SECISBP2: variants seen among roughly 807,000 people sequenced by gnomAD.
SECISBP2 encodes the protein SECIS binding protein 2.
Under a neutral mutation model 98.2 loss-of-function variants are expected in SECISBP2, and 96 were observed. The observed-to-expected ratio is 0.98, with a 90% confidence interval of 0.83 to 1.16. The LOEUF (loss-of-function observed/expected upper bound fraction) is 1.16, where lower values mean the gene tolerates loss of function less well. SECISBP2 is among the 50% of genes most tolerant of loss of function. The probability of loss-of-function intolerance (pLI) is 0.00; values close to 1 mark genes in which losing one functional copy is unlikely to be tolerated. For missense variants in SECISBP2, 1,046 were observed against 1,022.9 expected (o/e 1.02, Z -0.31); for synonymous variants, 407 against 370.2 (o/e 1.10, Z -1.14).
chr9:89,342,227 A>G (rs1400632152), intron 10 of SECISBP2, among the ~76,000 whole-genome samples: 1 of 152,236 alleles, frequency 6.6e-6, no homozygotes, highest in Non-Finnish European at 1.5e-5. Flanking sequence ...AATCAAAAGT[A>G]CAGTGAAATA....
chr9:89,345,159 A>C (rs538850879), intron 10 of SECISBP2, among the ~76,000 whole-genome samples: 1 of 152,308 alleles, frequency 6.6e-6, no homozygotes, highest in Admixed American at 6.5e-5. Flanking sequence ...GCTCATCCCT[A>C]TAGCGAGTCT....
the SECISBP2 span, among the ~76,000 whole-genome samples, chr9:89,366,637 C>T: frequency 6.6e-6 from 1 of 152,314 alleles, no homozygotes; most frequent in Non-Finnish European, 1.5e-5. Context: ...CATAGATGTA[C>T]AAACATATGT....
At chr9:89,347,968 C>A (rs1340474129) in intron 11 of SECISBP2, 111 bp from the exon 12 acceptor site, 5 of 1,020,082 alleles carry the variant, frequency 4.9e-6, no homozygotes, top group Non-Finnish European at 4.4e-6. Context: ...GCTCTCAGGG[C>A]ACTAAGAGGC....
downstream of SECISBP2, chr9:89,363,362 A>C: frequency 6.3e-7 from 1 of 1,593,712 alleles, no homozygotes; most frequent in Non-Finnish European, 8.5e-7. Flanking sequence ...TGAAAGATCC[A>C]CTGGATGTGG....
Position 89,341,351 on chromosome 9 carries a change from A to G in SECISBP2, c.1307A>G (p.Asn436Ser). The G allele has an allele frequency of 6.2e-7, 1 of 1,613,614 alleles. No individual in the cohort carries two copies. Among genetic ancestry groups the G allele is most frequent in the Non-Finnish European group, 8.5e-7 (1 of 1,179,638 alleles). ...TTACGAATTTTGAACTTTCAGGATA[A>G]TTTTAAAAATAATGTAAAGAAGAGC... ...KFQSKQQPQD[N>S]FKNNVKKSQL... Residue 436 changes from asparagine (N) to serine (S), a missense_variant, in exon 10 of 17, where the codon AAT becomes AGT. Transcript: ENST00000375807.
In SECISBP2 at chr9:89,334,603, C is replaced by A. The variant is rs1398853625; in HGVS notation, c.962C>A (p.Ser321Tyr). Residue 321 changes from serine to tyrosine, a missense_variant, in exon 7 of 17, where the codon TCT becomes TAT. Transcript: ENST00000375807. ...TCAGCAGCCCCTAAAAATGTTACTTCTATGATAAACTTAAAGACCATTGCT... is the reference window on the plus strand; with the variant it reads ...TCAGCAGCCCCTAAAAATGTTACTTATATGATAAACTTAAAGACCATTGCT... ...ELSAAPKNVT[S>Y]MINLKTIASS... The A allele has an allele frequency of 6.8e-6, 11 of 1,613,992 alleles. No homozygotes were observed. The highest frequency in any genetic ancestry group is 8.5e-6 in the Non-Finnish European group (10 of 1,179,968).
At chr9:89,324,754 A>G (rs1826399476) in intron 2 of SECISBP2, 1 of 152,588 alleles carries the variant, frequency 6.6e-6, no homozygotes, top group South Asian at 2.1e-4. Context: ...GCATTTTGTC[A>G]TTGTATCAGC....
In SECISBP2 at chr9:89,346,921, G is replaced by T. The variant is rs62638732; in HGVS notation, c.1475G>T (p.Gly492Val). 1.8e-3 allele frequency: 2,858 copies of T among 1,614,140 alleles called. 46 individuals carry two copies. In the African/African-American group the frequency reaches 0.034, roughly 19 times the overall value. The change falls in exon 11 of 17, where the codon GGG (glycine) becomes GTG (valine). Residue 492 changes from glycine (G) to valine (V), a missense_variant. Gly to Val is a moderately radical substitution (Grantham distance 109). Coordinates refer to ENST00000375807, the MANE Select transcript of SECISBP2 (RefSeq NM_024077.5). ...VPVLSKECAS[G>V]ERGRRMSQMK... ...GTCCTTTCCAAAGAATGTGCATCAGGGGAGAGAGGCCGCCGCATGAGTCAA... is the reference window on the plus strand; with the variant it reads ...GTCCTTTCCAAAGAATGTGCATCAGTGGAGAGAGGCCGCCGCATGAGTCAA...
Position 89,318,537 on chromosome 9 carries a change from T to G in SECISBP2, c.-40T>G, listed in dbSNP as rs1357267676. On this transcript the variant is annotated 5_prime_UTR_variant, in exon 1 of 17. Transcript: ENST00000375807. ...TCTGTCCGGCAAGCCGACGGCCCGCTGCTGGCCTCCGTGACGCGGCCTCCT... is the reference window on the plus strand; with the variant it reads ...TCTGTCCGGCAAGCCGACGGCCCGCGGCTGGCCTCCGTGACGCGGCCTCCT... 1.3e-6 allele frequency: 2 copies of G among 1,512,436 alleles called. No individual in the cohort carries two copies. The highest frequency in any genetic ancestry group is 4.1e-5 in the Admixed American group (2 of 49,304). 93.7% of individuals were successfully genotyped at this position (1,512,436 alleles called of 1,614,324 possible). A position where few individuals can be genotyped will look rare whatever the true frequency, so the allele number is the denominator to read the frequency against.
rs79521725 is a variant in SECISBP2, at chr9:89,332,481, T to C, written c.802-427T>C. On this transcript the variant is annotated intron_variant, in intron 5 of 16. Transcript: ENST00000375807. ...TTCTGTGCTTCACCTGTTTATCCCTTCCTCCCCTCAGCCCCTGCTAACTAC... is the reference window on the plus strand; with the variant it reads ...TTCTGTGCTTCACCTGTTTATCCCTCCCTCCCCTCAGCCCCTGCTAACTAC... 1,106 of 245,602 alleles carry C rather than the reference T, an allele frequency of 4.5e-3. 15 individuals are homozygous for C. Among genetic ancestry groups the C allele is most frequent in the African/African-American group, 0.024 (1,040 of 43,304 alleles). The allele number at this position is 245,602 out of a possible 1,614,324, so 15.2% of individuals were successfully genotyped here.
intron 10 of SECISBP2, among the ~76,000 whole-genome samples, chr9:89,346,095 T>C (rs1409445309): frequency 6.6e-6 from 1 of 152,178 alleles, no homozygotes; most frequent in Non-Finnish European, 1.5e-5. Flanking sequence ...TGGAGAAATA[T>C]TGATGATTGT....
rs534481161 is a variant in SECISBP2, at chr9:89,328,880, A to G, written c.795A>G (p.Leu265=). The change falls in exon 5 of 17, where the codon TTA becomes TTG. Residue 265 remains leucine, a synonymous_variant. Transcript: ENST00000375807. ...LREVVKPAAV[L]SKGEIVVKNN... is the part of the protein sequence containing the mutation. ...AAGTAGTAAAACCAGCTGCAGTGTT[A>G]TCAAAGGTGAGGTGAGGGTTTCTCT... The G allele has an allele frequency of 5.0e-6, 8 of 1,612,480 alleles. No homozygotes were observed. The highest frequency in any genetic ancestry group is 1.7e-4 in the Middle Eastern group (1 of 6,058).
chr9:89,327,729 A>G (rs1306957720), intron 4 of SECISBP2, among the ~76,000 whole-genome samples: 2 of 152,086 alleles, frequency 1.3e-5, no homozygotes, highest in Non-Finnish European at 2.9e-5. Flanking sequence ...ATCTCCTGTG[A>G]TAACAATGCC....
downstream of SECISBP2, chr9:89,361,492 G>GC (rs1429722424): frequency 1.3e-5 from 2 of 152,234 alleles, no homozygotes; most frequent in Non-Finnish European, 2.9e-5. Context: ...ATTAAAGGCT[G>GC]AGTAGCTTTA....
At chr9:89,357,313 G>T in intron 14 of SECISBP2, 98 bp from the exon 15 acceptor site, 1 of 1,291,278 alleles carries the variant, frequency 7.7e-7, no homozygotes, top group Non-Finnish European at 1.1e-6. Context: ...TAAAATCATA[G>T]ATGGGTGTGT....
At chr9:89,350,197 C>T (rs890626328) in intron 13 of SECISBP2, among the ~76,000 whole-genome samples, 17 of 152,140 alleles carry the variant, frequency 1.1e-4, no homozygotes, top group African/African-American at 3.4e-4. Context: ...GTGAAGTGAC[C>T]GTGCATCATC....
intron 5 of SECISBP2, among the ~76,000 whole-genome samples, chr9:89,331,649 A>G (rs1297377190): frequency 2.6e-5 from 4 of 152,182 alleles, no homozygotes; most frequent in Non-Finnish European, 1.5e-5. Flanking sequence ...TTCATAACAC[A>G]GGGCATACAT....
At chr9:89,360,452 T>TA (rs1412658428), downstream of SECISBP2, among the ~76,000 whole-genome samples, 1 of 152,060 alleles carries the variant, frequency 6.6e-6, no homozygotes, top group African/African-American at 2.4e-5. Context: ...ATCAAAAAAT[T>TA]AAAGATCTCC....
At position 89,328,669 on chromosome 9, in the gene SECISBP2, A is replaced by G. The variant is rs767829285; in HGVS notation, c.584A>G (p.His195Arg). Residue 195 changes from histidine (H) to arginine (R), a missense_variant, in exon 5 of 17, where the codon CAT (histidine) becomes CGT (arginine). Transcript: ENST00000375807. ...AATTTTGTAATTACAGATGGTTACC[A>G]TAAGCGAACAGACAGGAAATCCAGA... ...AENSLKSDGY[H>R]KRTDRKSRII... 33 of 1,613,884 alleles carry G rather than the reference A, an allele frequency of 2.0e-5. No individual in the cohort carries two copies. The highest frequency in any genetic ancestry group is 3.3e-5 in the South Asian group (3 of 91,078).
Sources: allele counts gnomAD v4.1 joint callset (sites outside exome capture counted in the v4.1 genomes callset), GRCh38; gene constraint gnomAD v4.1.1; transcripts MANE v1.5; gene names NCBI Gene and HGNC (gene_info 2026-07-23, HGNC 2026-07-21).